The following PKIB variants were observed in gnomAD, a reference collection of about 807,000 sequenced individuals.
PKIB encodes PKI-beta.
In PKIB, 2 loss-of-function variants were observed where a neutral mutation model predicts 4.5. The observed-to-expected ratio is 0.44, with a 90% CI of 0.18 to 1.39. The LOEUF is 1.39. Ranked by LOEUF, PKIB falls within the 40% of genes most tolerant of loss-of-function variation. PKIB has a pLI of 0.27. For synonymous variants in PKIB, 38 were observed against 36.0 expected, an observed-to-expected ratio of 1.06 and a Z score of -0.20; for missense variants, 94 against 92.6, an observed-to-expected ratio of 1.02 and a Z score of -0.06.
chr6:122,677,686 G>A (rs908657152), intron 3 of PKIB, among the ~76,000 whole-genome samples: 5 of 152,132 alleles, frequency 3.3e-5, no homozygotes, highest in Non-Finnish European at 5.9e-5. Flanking sequence ...TGCAGAGGAG[G>A]GAATTAAACT....
At chr6:122,638,959 A>G (rs1262894498) in intron 2 of PKIB, among the ~76,000 whole-genome samples, 4 of 151,922 alleles carry the variant, frequency 2.6e-5, no homozygotes, top group Non-Finnish European at 5.9e-5. Flanking sequence ...TGATTTTTAA[A>G]CATGTATCTT....
chr6:122,717,488 A>G, intron 3 of PKIB: 1 of 406,672 alleles, frequency 2.5e-6, no homozygotes, highest in Non-Finnish European at 4.3e-6. Context: ...TGGCTGATCC[A>G]TCCACAGAAA....
intron 2 of PKIB, among the ~76,000 whole-genome samples, chr6:122,671,022 G>C (rs374631796): frequency 1.3e-5 from 2 of 152,248 alleles, no homozygotes; most frequent in East Asian, 3.9e-4. Context: ...GGCCAGGCGC[G>C]GTGGCTCACG....
chr6:122,647,749 A>G (rs2114868096), intron 2 of PKIB, among the ~76,000 whole-genome samples: 1 of 152,354 alleles, frequency 6.6e-6, no homozygotes, highest in Non-Finnish European at 1.5e-5. Flanking sequence ...AGGGATGCTT[A>G]AAATTTACAG....
chr6:122,586,646 C>G (rs1773856487), intron 3 of PKIB, among the ~76,000 whole-genome samples: 1 of 152,060 alleles, frequency 6.6e-6, no homozygotes, highest in Non-Finnish European at 1.5e-5. Flanking sequence ...AAGTCCTTTC[C>G]CTGTACTTCC....
At position 122,719,716 on chromosome 6, in the gene PKIB, TACACACAC is replaced by T. The variant is rs202212013; in HGVS notation, c.169+1799_169+1806del. On this transcript the variant is annotated intron_variant, in intron 4 of 4. Coordinates refer to ENST00000368452, the MANE Select transcript of PKIB (RefSeq NM_181795.3). ...AGATTGTGAGTGTTCCCACCACACA[TACACACAC>T]ACACACACACACACACACACACACA... Among the ~76,000 whole-genome samples, 327 of 132,862 alleles carry T rather than the reference TACACACAC, an allele frequency of 2.5e-3. 4 individuals carry two copies. The highest frequency in any genetic ancestry group is 7.7e-3 in the African/African-American group (302 of 39,434). 87.2% of individuals were successfully genotyped at this position (132,862 alleles called of 152,430 possible). A position where few individuals can be genotyped will look rare whatever the true frequency, so the allele number is the denominator to read the frequency against.
chr6:122,692,137 G>T (rs1335361185), intron 3 of PKIB, among the ~76,000 whole-genome samples: 2 of 152,214 alleles, frequency 1.3e-5, no homozygotes, highest in East Asian at 1.9e-4. Flanking sequence ...CTCTGGGTCA[G>T]ATCTGAAGCC....
chr6:122,683,665 C>T (rs1427331402), intron 3 of PKIB, among the ~76,000 whole-genome samples: 6 of 152,152 alleles, frequency 3.9e-5, no homozygotes, highest in African/African-American at 1.4e-4. Flanking sequence ...TCTACCCCAA[C>T]AATCTACTCC....
At chr6:122,577,888 G>A (rs1402569910) in intron 2 of PKIB, among the ~76,000 whole-genome samples, 2 of 144,728 alleles carry the variant, frequency 1.4e-5, no homozygotes, top group East Asian at 2.0e-4. Flanking sequence ...CAGTCTGGGC[G>A]ACAGAGCAAG....
At chr6:122,507,566 T>C (rs546349509) in intron 2 of PKIB, among the ~76,000 whole-genome samples, 1 of 151,744 alleles carries the variant, frequency 6.6e-6, no homozygotes, top group East Asian at 1.9e-4. Flanking sequence ...TTCAAGCTGG[T>C]GGGCTCATTT....
intron 3 of PKIB, among the ~76,000 whole-genome samples, chr6:122,593,911 A>G (rs1774089055): frequency 6.6e-6 from 1 of 152,178 alleles, no homozygotes; most frequent in Non-Finnish European, 1.5e-5. Flanking sequence ...AGACACACCC[A>G]GGATCAATAC....
At chr6:122,715,974 A>G (rs1447622009) in intron 3 of PKIB, among the ~76,000 whole-genome samples, 2 of 152,138 alleles carry the variant, frequency 1.3e-5, no homozygotes, top group African/African-American at 4.8e-5. Context: ...GTCATACTTC[A>G]GTACCTCATG....
chr6:122,577,749 A>G (rs1773588153), intron 2 of PKIB, among the ~76,000 whole-genome samples: 1 of 151,982 alleles, frequency 6.6e-6, no homozygotes, highest in African/African-American at 2.4e-5. Flanking sequence ...CTCTACTAAA[A>G]ATACAAAAAA....
At chr6:122,529,446 A>G (rs562163775) in intron 2 of PKIB, among the ~76,000 whole-genome samples, 16 of 152,250 alleles carry the variant, frequency 1.1e-4, no homozygotes, top group African/African-American at 3.8e-4. Context: ...TTTGTCATTT[A>G]AGTTTTATGC....
intron 2 of PKIB, among the ~76,000 whole-genome samples, chr6:122,641,351 T>C (rs958291084): frequency 6.6e-6 from 1 of 152,126 alleles, no homozygotes; most frequent in Non-Finnish European, 1.5e-5. Flanking sequence ...TACTCCTAAA[T>C]TGGGCCCATG....
intron 2 of PKIB, among the ~76,000 whole-genome samples, chr6:122,654,440 C>G (rs1410128366): frequency 6.6e-6 from 1 of 152,140 alleles, no homozygotes; most frequent in Non-Finnish European, 1.5e-5. Context: ...GCCATTTCTT[C>G]CAGTCCTTTA....
intron 2 of PKIB, among the ~76,000 whole-genome samples, chr6:122,516,555 C>G (rs1431419194): frequency 1.3e-5 from 2 of 152,120 alleles, no homozygotes; most frequent in African/African-American, 4.8e-5. Flanking sequence ...GTGACTAATC[C>G]TATAGACCTT....
chr6:122,707,037 TA>T (rs1340756271), intron 3 of PKIB, among the ~76,000 whole-genome samples: 4 of 152,012 alleles, frequency 2.6e-5, no homozygotes, highest in Non-Finnish European at 5.9e-5. Flanking sequence ...TATAGTAACA[TA>T]ATTTTGTACA....
At chr6:122,708,101 T>G (rs1159698092) in intron 3 of PKIB, among the ~76,000 whole-genome samples, 3 of 152,166 alleles carry the variant, frequency 2.0e-5, no homozygotes, top group East Asian at 3.8e-4. Context: ...TTGTGGAGCT[T>G]ACCTTCTAGT....
Sources: allele counts gnomAD v4.1 joint callset (sites outside exome capture counted in the v4.1 genomes callset), GRCh38; gene constraint gnomAD v4.1.1; transcripts MANE v1.5; gene names NCBI Gene and HGNC (gene_info 2026-07-23, HGNC 2026-07-21).